The following FRMD3 variants were observed in gnomAD, a reference collection of about 807,000 sequenced individuals.
The protein encoded by FRMD3 is FERM domain containing 3, also known as FERM domain-containing protein 3.
FRMD3 carries 33 observed loss-of-function variants against 70.2 expected under a neutral mutation model. The ratio of observed to expected loss-of-function variants is 0.47; its 90% CI spans 0.36 to 0.63. The LOEUF (loss-of-function observed/expected upper bound fraction) is 0.63. FRMD3 is among the 20% of genes least tolerant of loss of function. The probability of loss-of-function intolerance (pLI) is 0.00; values close to 1 mark genes in which losing one functional copy is unlikely to be tolerated. For missense variants in FRMD3, 632 were observed against 711.4 expected (o/e 0.89, Z 1.27); for synonymous variants, 279 against 255.9 (o/e 1.09, Z -0.86).
chr9:83,520,849 G>A (rs1829554719), intron 1 of FRMD3, among the ~76,000 whole-genome samples: 1 of 151,914 alleles, frequency 6.6e-6, no homozygotes, highest in Non-Finnish European at 1.5e-5. Flanking sequence ...TCTCCGGCTG[G>A]CACAGTGGCT....
intron 4 of FRMD3, among the ~76,000 whole-genome samples, chr9:83,345,476 G>A (rs922351961): frequency 5.9e-5 from 9 of 152,076 alleles, no homozygotes; most frequent in Non-Finnish European, 1.0e-4. Context: ...GCTCCAGGGG[G>A]GCCGGGCATG....
At chr9:83,450,335 C>A (rs1265065596) in intron 1 of FRMD3, among the ~76,000 whole-genome samples, 1 of 146,152 alleles carries the variant, frequency 6.8e-6, no homozygotes, top group Non-Finnish European at 1.5e-5. Flanking sequence ...GAGATCCCAA[C>A]TGTCACCCTC....
intron 1 of FRMD3, among the ~76,000 whole-genome samples, chr9:83,465,139 C>T (rs990543306): frequency 3.9e-5 from 6 of 152,126 alleles, no homozygotes; most frequent in African/African-American, 1.4e-4. Flanking sequence ...GTATTTTACA[C>T]ACATCATCCA....
chr9:83,455,774 C>A (rs1827801393), intron 1 of FRMD3, among the ~76,000 whole-genome samples: 1 of 151,982 alleles, frequency 6.6e-6, no homozygotes, highest in Admixed American at 6.6e-5. Flanking sequence ...ATATATTTTT[C>A]TTTTACTCAC....
intron 13 of FRMD3, among the ~76,000 whole-genome samples, chr9:83,256,794 C>A (rs992442987): frequency 2.6e-5 from 4 of 151,806 alleles, no homozygotes; most frequent in Admixed American, 1.3e-4. Flanking sequence ...TAGAGAAATG[C>A]AAATCAAAAC....
chr9:83,387,190 T>C (rs1825536525), intron 2 of FRMD3, among the ~76,000 whole-genome samples: 1 of 152,234 alleles, frequency 6.6e-6, no homozygotes, highest in Admixed American at 6.5e-5. Context: ...TTGTGTATGC[T>C]GATTTTCTAT....
upstream of FRMD3, among the ~76,000 whole-genome samples, chr9:83,540,225 C>A (rs1209321350): frequency 2.0e-5 from 3 of 152,164 alleles, no homozygotes; most frequent in African/African-American, 7.2e-5. Context: ...GCCAAAAGAG[C>A]AGACAGCCCA....
intron 1 of FRMD3, among the ~76,000 whole-genome samples, chr9:83,455,071 T>TACTA (rs140415555): frequency 0.097 from 14,805 of 152,230 alleles, 759 homozygotes; most frequent in East Asian, 0.15. Flanking sequence ...TAGTAACACT[T>TACTA]ACTTTTTAAT....
At chr9:83,363,778 T>A (rs1345181770) in intron 3 of FRMD3, among the ~76,000 whole-genome samples, 1 of 152,030 alleles carries the variant, frequency 6.6e-6, no homozygotes, top group African/African-American at 2.4e-5. Flanking sequence ...ATGGTCTCGA[T>A]CTCCTGACCT....
intron 1 of FRMD3, among the ~76,000 whole-genome samples, chr9:83,500,819 T>C (rs900267127): frequency 1.3e-5 from 2 of 152,150 alleles, no homozygotes; most frequent in Admixed American, 6.5e-5. Flanking sequence ...GAGTGGAGAA[T>C]AGGGGTTAGC....
rs542865904 is a variant in FRMD3 at position 83,367,245 on chromosome 9, A to G, written c.295+5668T>C. On this transcript the variant is annotated intron_variant, in intron 3 of 13. Coordinates refer to ENST00000304195, the MANE Select transcript of FRMD3 (RefSeq NM_174938.6). ...CACATTTGTACCTATGGACATGGCAATGGCATAGGGAAATGAGAAGGGTAT... is the reference window on the plus strand; with the variant it reads ...CACATTTGTACCTATGGACATGGCAGTGGCATAGGGAAATGAGAAGGGTAT... Among the ~76,000 whole-genome samples, 7 of 152,326 alleles carry G rather than the reference A, an allele frequency of 4.6e-5. No individual in the cohort carries two copies. The South Asian group carries it at 1.0e-3, about 23-fold the overall frequency.
At chr9:83,266,944 C>T in intron 13 of FRMD3, 2 of 1,471,358 alleles carry the variant, frequency 1.4e-6, no homozygotes, top group Non-Finnish European at 1.8e-6. Context: ...TCTCCACCAG[C>T]AGTGAGCAGG....
At chr9:83,403,455 T>C (rs142265379) in intron 1 of FRMD3, among the ~76,000 whole-genome samples, 115 of 152,310 alleles carry the variant, frequency 7.6e-4, no homozygotes, top group African/African-American at 2.5e-3. Flanking sequence ...CTTCAAAGCA[T>C]ATCTCAGTTA....
In FRMD3 at chr9:83,538,123, G is replaced by T; in HGVS notation, c.109C>A (p.Arg37=). Residue 37 remains arginine, a synonymous_variant, in exon 1 of 14, where the codon CGG becomes AGG. Transcript: ENST00000304195. The surrounding 1 kb of genome is among the most constrained non-coding windows in gnomAD (Gnocchi z 4.7). The part of the protein sequence containing the change: ...SLSQEMRCTI[R]LLDDSEISCH... ...GAGATCTCCGAGTCGTCCAGCAGCC[G>T]GATGGTGCATCTCATCTCCTGGCTG... is the stretch of plus-strand genomic sequence containing the variant. The T allele has an allele frequency of 1.2e-6, 2 of 1,613,554 alleles. No homozygotes were observed. Among genetic ancestry groups the T allele is most frequent in the South Asian group, 2.2e-5 (2 of 91,042 alleles).
chr9:83,512,116 C>T (rs1033371542), intron 1 of FRMD3, among the ~76,000 whole-genome samples: 2 of 152,184 alleles, frequency 1.3e-5, no homozygotes, highest in South Asian at 4.1e-4. Flanking sequence ...ATTCCCACTT[C>T]CTAGAACTGC....
At chr9:83,278,876 T>C (rs1171008948) in intron 13 of FRMD3, among the ~76,000 whole-genome samples, 2 of 152,012 alleles carry the variant, frequency 1.3e-5, no homozygotes, top group Non-Finnish European at 2.9e-5. Flanking sequence ...GAGAGCAAAC[T>C]AAGGGCCCAT....
the FRMD3 span, among the ~76,000 whole-genome samples, chr9:83,555,872 A>G: frequency 6.6e-6 from 1 of 152,204 alleles, no homozygotes; most frequent in Non-Finnish European, 1.5e-5. Context: ...CTCCTAACCC[A>G]AGGGTTGCAA....
At chr9:83,581,436 G>C in the FRMD3 span, among the ~76,000 whole-genome samples, 1 of 152,206 alleles carries the variant, frequency 6.6e-6, no homozygotes, top group Non-Finnish European at 1.5e-5. Context: ...CCACTGGGAA[G>C]GCTATAATCA....
intron 1 of FRMD3, among the ~76,000 whole-genome samples, chr9:83,438,534 G>A (rs1472212908): frequency 1.3e-5 from 2 of 152,080 alleles, no homozygotes; most frequent in African/African-American, 4.8e-5. Context: ...CGAGTAGCTG[G>A]GATTACAGGT....
Sources: allele counts gnomAD v4.1 joint callset (sites outside exome capture counted in the v4.1 genomes callset), GRCh38; gene constraint gnomAD v4.1.1; non-coding constraint Gnocchi (gnomAD v3.1); transcripts MANE v1.5; gene names NCBI Gene and HGNC (gene_info 2026-07-23, HGNC 2026-07-21).